CELA3B: variants seen among roughly 807,000 people sequenced by gnomAD.
CELA3B encodes the protein chymotrypsin like elastase 3B, also known as chymotrypsin-like elastase family member 3B.
CELA3B carries 34 observed loss-of-function variants against 37.2 expected under a neutral mutation model. The observed-to-expected ratio is 0.91, with a 90% CI of 0.70 to 1.22. CELA3B has a LOEUF of 1.22. CELA3B is among the 50% of genes most tolerant of loss of function. The probability of loss-of-function intolerance (pLI) is 0.00; values close to 1 mark genes in which losing one functional copy is unlikely to be tolerated. For missense variants in CELA3B, 340 were observed against 363.1 expected (o/e 0.94, Z 0.52); for synonymous variants, 127 against 143.5 (o/e 0.89, Z 0.82).
intron 6 of CELA3B, among the ~76,000 whole-genome samples, chr1:21,985,227 G>A (rs1291896738): frequency 6.6e-6 from 1 of 151,882 alleles, no homozygotes; most frequent in East Asian, 1.9e-4. Flanking sequence ...AGCTCACAGT[G>A]GCTGTGATTT....
At chr1:21,984,473 C>T (rs924646138) in intron 6 of CELA3B, 142 bp downstream of exon 6, 133 of 1,177,692 alleles carry the variant, frequency 1.1e-4, no homozygotes, top group East Asian at 9.4e-4. Context: ...AGGAAATCAG[C>T]GCAGTCCAGA....
chr1:21,979,227 C>A (rs972123907), intron 2 of CELA3B, among the ~76,000 whole-genome samples: 1 of 151,054 alleles, frequency 6.6e-6, no homozygotes, highest in African/African-American at 2.4e-5. Flanking sequence ...CATGCGCCAC[C>A]AAGCCCGGCT....
In CELA3B at chr1:21,986,589, G is replaced by A. The variant is rs750643273; in HGVS notation, c.701G>A (p.Gly234Asp). The A allele has an allele frequency of 3.7e-6, 6 of 1,614,000 alleles. No homozygotes were observed. Among genetic ancestry groups the A allele is most frequent in the Admixed American group, 3.3e-5 (2 of 59,976 alleles). ...GAGGATGGTGGCTGGCAGGTCCATGGCGTGACCAGCTTTGTTTCTGCCTTT... is the reference window on the plus strand; with the variant it reads ...GAGGATGGTGGCTGGCAGGTCCATGACGTGACCAGCTTTGTTTCTGCCTTT... ...PTEDGGWQVH[G>D]VTSFVSAFGC... Residue 234 changes from glycine to aspartate, a missense_variant, in exon 7 of 8, where the codon GGC (glycine) becomes GAC (aspartate). Physicochemically the swap from Gly to Asp is moderately conservative, Grantham distance 94. Coordinates refer to ENST00000337107, the MANE Select transcript of CELA3B (RefSeq NM_007352.4).
At position 21,986,524 on chromosome 1, in the gene CELA3B, G is replaced by T. The variant is rs61777963; in HGVS notation, c.643-7G>T. On this transcript the variant is annotated splice_polypyrimidine_tract_variant and splice_region_variant and intron_variant, in intron 6 of 7. Transcript: ENST00000337107. ...CTCAGCCACCCACACCTCTCTGACGGTTCCAGGGTGACTCTGGAGGACCCC... is the reference window on the plus strand; with the variant it reads ...CTCAGCCACCCACACCTCTCTGACGTTTCCAGGGTGACTCTGGAGGACCCC... 0.15 allele frequency: 249,449 copies of T among 1,613,662 alleles called. 20,652 individuals are homozygous for T. The highest frequency in any genetic ancestry group is 0.17 in the East Asian group (7,542 of 44,866).
At chr1:21,993,483 G>T (rs1366758029), downstream of CELA3B, among the ~76,000 whole-genome samples, 3 of 146,160 alleles carry the variant, frequency 2.1e-5, no homozygotes, top group African/African-American at 7.8e-5. Context: ...AAAAAAAGAA[G>T]AAGAAAAGAA....
At chr1:21,980,803 C>T (rs1644799394) in intron 2 of CELA3B, 21 bp from the exon 3 acceptor site, 2 of 1,535,924 alleles carry the variant, frequency 1.3e-6, no homozygotes, top group African/African-American at 1.4e-5. Context: ...CCACTGAGGC[C>T]CTTTCCTCCT....
At position 21,986,640 on chromosome 1, in the gene CELA3B, C is replaced by T. The variant is rs188438439; in HGVS notation, c.752C>T (p.Thr251Met). 1.1e-4 allele frequency: 179 copies of T among 1,613,946 alleles called. No individual in the cohort carries two copies. The highest frequency in any genetic ancestry group is 1.0e-3 in the South Asian group (92 of 91,070). The change falls in exon 7 of 8, where the codon ACG (threonine) becomes ATG (methionine). Residue 251 changes from threonine to methionine, a missense_variant. Coordinates refer to ENST00000337107, the MANE Select transcript of CELA3B (RefSeq NM_007352.4). Reference protein sequence around the residue: ...AFGCNTRRKPTVFTRVSAFID... With the variant: ...AFGCNTRRKPMVFTRVSAFID... Reference sequence around the variant, plus strand: ...GGCTGCAACACCCGCAGGAAGCCCACGGTGTTCACTCGAGTCTCCGCCTTC... The same window carrying T: ...GGCTGCAACACCCGCAGGAAGCCCATGGTGTTCACTCGAGTCTCCGCCTTC...
intron 4 of CELA3B, among the ~76,000 whole-genome samples, chr1:21,994,903 G>C (rs1254729459): frequency 1.3e-5 from 2 of 148,232 alleles, no homozygotes; most frequent in Non-Finnish European, 3.0e-5. Flanking sequence ...TCGGCAGGCT[G>C]AGGTGGGAGG....
At chr1:21,988,904 CT>C (rs200265229) in intron 7 of CELA3B, among the ~76,000 whole-genome samples, 38 of 101,374 alleles carry the variant, frequency 3.7e-4, no homozygotes, top group East Asian at 1.2e-3. Context: ...AGAAAAAAAA[CT>C]CCAAAAATAT....
At chr1:21,992,869 G>A (rs1644874485), downstream of CELA3B, among the ~76,000 whole-genome samples, 1 of 150,520 alleles carries the variant, frequency 6.6e-6, no homozygotes, top group Non-Finnish European at 1.5e-5. Flanking sequence ...GGAGGCAGAG[G>A]TGGGAAGATC....
At chr1:21,981,932 A>T (rs982680184) in intron 4 of CELA3B, among the ~76,000 whole-genome samples, 49 of 152,098 alleles carry the variant, frequency 3.2e-4, no homozygotes, top group African/African-American at 1.2e-3. Flanking sequence ...TCACCGTGTT[A>T]GCCAGGATGA....
intron 4 of CELA3B, chr1:21,998,099 A>G (rs1257541327): frequency 2.1e-6 from 1 of 468,966 alleles, no homozygotes; most frequent in Non-Finnish European, 4.4e-6. Flanking sequence ...CCTTAAGTCT[A>G]AGGTATTTTA....
intron 4 of CELA3B, among the ~76,000 whole-genome samples, chr1:21,997,491 C>T (rs1644895875): frequency 6.7e-6 from 1 of 149,810 alleles, no homozygotes; most frequent in South Asian, 2.1e-4. Flanking sequence ...AGTTTGAGAA[C>T]AGCCTGGCCA....
At chr1:21,995,892 C>A (rs915805675) in intron 4 of CELA3B, among the ~76,000 whole-genome samples, 1 of 148,764 alleles carries the variant, frequency 6.7e-6, no homozygotes, top group Non-Finnish European at 1.5e-5. Context: ...TCCGCAGTTT[C>A]TCTGTGTCCC....
rs150018167 is a variant in CELA3B, at chr1:21,996,348, C to T, written c.505-1803C>T. On this transcript the variant is annotated intron_variant, in intron 4 of 4. Transcript: ENST00000400277. ...ATAAAACAGTTTGCAGTAAAGAAGC[C>T]GGCCAAAACCCTCCAAAACAAAGAT... Among the ~76,000 whole-genome samples the T allele has an allele frequency of 2.6e-3, 386 of 151,156 alleles. 17 individuals carry two copies. The highest frequency in any genetic ancestry group is 8.2e-3 in the African/African-American group (333 of 40,804).
At position 21,995,235 on chromosome 1, in the gene CELA3B, T is replaced by A. The variant is rs1468002618; in HGVS notation, c.505-2916T>A. Among the ~76,000 whole-genome samples the A allele has an allele frequency of 2.7e-5, 4 of 147,892 alleles. No homozygotes were observed. The East Asian group carries it at 6.1e-4, about 23-fold the overall frequency. On this transcript the variant is annotated intron_variant, in intron 4 of 4. Transcript: ENST00000400277. The stretch of plus-strand genomic sequence containing the variant: ...CTCACTGCAACCTCTGCCTCTGAAG[T>A]TCAAGCAATTCTGCAGCCTCAGCCT...
chr1:21,983,607 G>C (rs1211706828), intron 4 of CELA3B, 87 bp from the exon 5 acceptor site: 1 of 1,558,072 alleles, frequency 6.4e-7, no homozygotes, highest in East Asian at 2.3e-5. Context: ...GGGCATCTCA[G>C]AGGCGGAATA....
At chr1:21,993,331 G>A (rs565950396), downstream of CELA3B, among the ~76,000 whole-genome samples, 6 of 150,502 alleles carry the variant, frequency 4.0e-5, no homozygotes, top group South Asian at 8.3e-4. Context: ...GCATGGTGGC[G>A]CGTGCCTGTA....
At chr1:21,996,546 G>T (rs556004063) in intron 4 of CELA3B, among the ~76,000 whole-genome samples, 1 of 151,014 alleles carries the variant, frequency 6.6e-6, no homozygotes, top group Non-Finnish European at 1.5e-5. Flanking sequence ...CATAAAAAAG[G>T]GCATGTCTAT....
Sources: gnomAD v4.1 joint callset for allele counts (sites outside exome capture counted in the v4.1 genomes callset) on GRCh38, gnomAD v4.1.1 for gene constraint, MANE v1.5 for transcripts, NCBI Gene and HGNC (gene_info 2026-07-23, HGNC 2026-07-21) for gene names.